The following LRRC37A2 variants were observed in gnomAD, a reference collection of about 807,000 sequenced individuals.
LRRC37A2 encodes the protein leucine rich repeat containing 37 member A2.
In LRRC37A2, 9 loss-of-function variants were observed where a neutral mutation model predicts 68.8. That is an observed-to-expected ratio of 0.13 (90% confidence interval 0.08 to 0.23). LRRC37A2 has a LOEUF of 0.23. Ranked by LOEUF, LRRC37A2 falls within the 10% of genes least tolerant of loss-of-function variation. LRRC37A2 has a pLI of 1.00. For synonymous variants in LRRC37A2, 63 were observed against 367.6 expected (o/e 0.17, Z 9.48); for missense variants, 168 against 950.4 (o/e 0.18, Z 10.82).
At chr17:46,763,851 A>C in the LRRC37A2 span, 20,557 of 150,040 alleles carry the variant, frequency 0.14, 2,789 homozygotes, top group East Asian at 0.6. Flanking sequence ...AAAAAACAAA[A>C]AAACAAAAAA....
At chr17:46,898,672 G>C in the LRRC37A2 span, among the ~76,000 whole-genome samples, 1 of 152,186 alleles carries the variant, frequency 6.6e-6, no homozygotes, top group African/African-American at 2.4e-5. Flanking sequence ...GGGAATCCTC[G>C]AGTTTCCAGT....
chr17:46,818,578 C>A, the LRRC37A2 span: 1 of 1,605,096 alleles, frequency 6.2e-7, no homozygotes, highest in Non-Finnish European at 8.5e-7. Context: ...GAGGAGCAGC[C>A]CGAGCAGGTG....
chr17:46,990,754 T>C, the LRRC37A2 span, among the ~76,000 whole-genome samples: 1 of 151,804 alleles, frequency 6.6e-6, no homozygotes, highest in African/African-American at 2.4e-5. Flanking sequence ...CACTGCAACC[T>C]CCACCTCCTG....
At chr17:46,856,441 T>C in the LRRC37A2 span, among the ~76,000 whole-genome samples, 3 of 151,910 alleles carry the variant, frequency 2.0e-5, no homozygotes, top group East Asian at 1.9e-4. Context: ...ATCTTTATTT[T>C]CCCCCCAAAT....
chr17:46,881,172 C>A, the LRRC37A2 span, among the ~76,000 whole-genome samples: 14 of 152,330 alleles, frequency 9.2e-5, no homozygotes, highest in East Asian at 2.3e-3. Context: ...CTCAGGCCTG[C>A]CCTGCCCCAG....
At chr17:46,420,924 C>T in the LRRC37A2 span, among the ~76,000 whole-genome samples, 2 of 23,402 alleles carry the variant, frequency 8.5e-5, no homozygotes, top group Admixed American at 3.0e-4. Flanking sequence ...CTCTGCCTCC[C>T]GAGTAACTGG....
chr17:46,813,378 T>A, the LRRC37A2 span, among the ~76,000 whole-genome samples: 1 of 149,304 alleles, frequency 6.7e-6, no homozygotes, highest in Non-Finnish European at 1.5e-5. Context: ...AATTCAGACA[T>A]AGGTCTCTCC....
At chr17:46,798,368 T>C in the LRRC37A2 span, among the ~76,000 whole-genome samples, 125 of 152,344 alleles carry the variant, frequency 8.2e-4, no homozygotes, top group Non-Finnish European at 1.6e-3. Flanking sequence ...TTCAGGGACA[T>C]AGTGAGGCTC....
chr17:46,985,715 A>C, the LRRC37A2 span, among the ~76,000 whole-genome samples: 6 of 152,112 alleles, frequency 3.9e-5, no homozygotes, highest in Non-Finnish European at 8.8e-5. Context: ...TCTGCCCCTA[A>C]TTGACTGTGT....
chr17:46,785,422 G>A, the LRRC37A2 span, among the ~76,000 whole-genome samples: 31 of 152,296 alleles, frequency 2.0e-4, no homozygotes, highest in Middle Eastern at 3.4e-3. Context: ...CACGCCATAG[G>A]AGAAAAACCC....
the LRRC37A2 span, among the ~76,000 whole-genome samples, chr17:46,845,739 C>T: frequency 1.1e-4 from 17 of 150,524 alleles, no homozygotes; most frequent in South Asian, 8.4e-4. Flanking sequence ...CCAACCACCT[C>T]GGCCTCCCAA....
the LRRC37A2 span, among the ~76,000 whole-genome samples, chr17:46,703,732 C>T: frequency 5.8e-4 from 87 of 149,154 alleles, 1 homozygote; most frequent in East Asian, 5.7e-3. Context: ...TAAAATTTAC[C>T]GTGTAACCAT....
the LRRC37A2 span, among the ~76,000 whole-genome samples, chr17:46,857,787 T>C: frequency 6.6e-6 from 1 of 152,220 alleles, no homozygotes; most frequent in Non-Finnish European, 1.5e-5. Context: ...TAGTATCTCA[T>C]TGTGGTTTTA....
At chr17:46,551,192 T>C (rs1266029966) in intron 11 of LRRC37A2, among the ~76,000 whole-genome samples, 3 of 149,204 alleles carry the variant, frequency 2.0e-5, no homozygotes, top group African/African-American at 7.7e-5. Context: ...GATGCTCAGC[T>C]TGCATCAACT....
the LRRC37A2 span, among the ~76,000 whole-genome samples, chr17:46,899,182 G>A: frequency 6.6e-6 from 1 of 152,154 alleles, no homozygotes; most frequent in South Asian, 2.1e-4. Context: ...TTGAGCTTAG[G>A]AGTTGGAGAC....
chr17:46,914,612 C>T, the LRRC37A2 span, among the ~76,000 whole-genome samples: 3 of 123,316 alleles, frequency 2.4e-5, no homozygotes, highest in Non-Finnish European at 3.2e-5. Context: ...GATCATGCCA[C>T]TGTACTCCAG....
At chr17:46,974,475 C>T in the LRRC37A2 span, among the ~76,000 whole-genome samples, 4,715 of 152,300 alleles carry the variant, frequency 0.031, 128 homozygotes, top group African/African-American at 0.074. Context: ...TGGCTCACGC[C>T]TGTAATCCCA....
chr17:47,003,348 G>A, the LRRC37A2 span, among the ~76,000 whole-genome samples: 4 of 151,820 alleles, frequency 2.6e-5, no homozygotes, highest in East Asian at 1.9e-4. Flanking sequence ...ACATGTACTA[G>A]CTGCGAGTAC....
the LRRC37A2 span, among the ~76,000 whole-genome samples, chr17:46,782,477 C>T: frequency 0.01 from 1,582 of 152,232 alleles, 24 homozygotes; most frequent in African/African-American, 0.036. Flanking sequence ...CAGAAGGGCT[C>T]CACCCTCCAC....
Sources: allele counts gnomAD v4.1 joint callset (sites outside exome capture counted in the v4.1 genomes callset), GRCh38; gene constraint gnomAD v4.1.1; transcripts MANE v1.5; gene names NCBI Gene and HGNC (gene_info 2026-07-23, HGNC 2026-07-21).